PLA2G5: variants seen among roughly 807,000 people sequenced by gnomAD.
The protein encoded by PLA2G5 is phospholipase A2 group V.
PLA2G5 carries 12 observed loss-of-function variants against 15.9 expected under a neutral mutation model. The ratio of observed to expected loss-of-function variants is 0.76; its 90% CI spans 0.48 to 1.23. PLA2G5 has a LOEUF of 1.23. PLA2G5 is among the 50% of genes most tolerant of loss of function. PLA2G5 has a pLI of 0.00. For synonymous variants in PLA2G5, 71 were observed against 71.4 expected (o/e 0.99, Z 0.03); for missense variants, 169 against 177.1 (o/e 0.95, Z 0.26).
chr1:20,070,182 CT>C, upstream of PLA2G5: 1 of 985,286 alleles, frequency 1.0e-6, no homozygotes, highest in Non-Finnish European at 1.2e-6. Flanking sequence ...GACTTCCTGC[CT>C]CTGCAAAGGC....
chr1:20,030,760 A>G (rs2012876082), intron 1 of PLA2G5, among the ~76,000 whole-genome samples: 5 of 152,062 alleles, frequency 3.3e-5, no homozygotes, highest in Admixed American at 3.3e-4. Context: ...GAAACTAGAG[A>G]ATGGTGATGA....
At chr1:20,068,678 C>T (rs180973488), upstream of PLA2G5, among the ~76,000 whole-genome samples, 1 of 151,980 alleles carries the variant, frequency 6.6e-6, no homozygotes, top group African/African-American at 2.4e-5. Flanking sequence ...CTGGAACTCC[C>T]GACCTCAGCT....
chr1:20,081,282 C>G (rs1466809727), intron 1 of PLA2G5, among the ~76,000 whole-genome samples: 1 of 151,924 alleles, frequency 6.6e-6, no homozygotes, highest in Non-Finnish European at 1.5e-5. Context: ...TGGCTCTCCA[C>G]TCTTCGGGGC....
chr1:20,086,726 G>A (rs2016314458), intron 3 of PLA2G5, among the ~76,000 whole-genome samples: 1 of 152,192 alleles, frequency 6.6e-6, no homozygotes, highest in South Asian at 2.1e-4. Context: ...CAAGACCAAA[G>A]GATATGGTGT....
chr1:20,064,702 T>G (rs1464162690), intron 2 of PLA2G5, among the ~76,000 whole-genome samples: 1 of 152,126 alleles, frequency 6.6e-6, no homozygotes, highest in African/African-American at 2.4e-5. Context: ...GAGGCCAGCC[T>G]GGCCAACATA....
At chr1:20,084,378 G>A (rs947489766) in intron 1 of PLA2G5, among the ~76,000 whole-genome samples, 2 of 152,188 alleles carry the variant, frequency 1.3e-5, no homozygotes, top group African/African-American at 4.8e-5. Flanking sequence ...CTGCCCTCCT[G>A]CTGTGGGCGT....
At chr1:20,061,569 G>C (rs1310138261) in intron 2 of PLA2G5, among the ~76,000 whole-genome samples, 1 of 123,344 alleles carries the variant, frequency 8.1e-6, no homozygotes, top group Non-Finnish European at 1.6e-5. Context: ...CTGGGCAACA[G>C]AGTAAGACCC....
At chr1:20,068,537 C>G (rs1188286560), upstream of PLA2G5, among the ~76,000 whole-genome samples, 1 of 151,266 alleles carries the variant, frequency 6.6e-6, no homozygotes, top group Admixed American at 6.6e-5. Flanking sequence ...CTGTAACCTC[C>G]GCCTCCTGGG....
intron 1 of PLA2G5, among the ~76,000 whole-genome samples, chr1:20,082,128 C>T (rs1204021857): frequency 6.6e-6 from 1 of 151,904 alleles, no homozygotes; most frequent in Non-Finnish European, 1.5e-5. Flanking sequence ...TATTAAAAAG[C>T]TTTAGAGCAG....
chr1:20,060,808 C>T (rs1269753269), intron 2 of PLA2G5, among the ~76,000 whole-genome samples: 1 of 151,406 alleles, frequency 6.6e-6, no homozygotes, highest in African/African-American at 2.4e-5. Flanking sequence ...ACCTCTGCCT[C>T]CCAGTTTCAA....
intron 1 of PLA2G5, among the ~76,000 whole-genome samples, chr1:20,078,672 G>A (rs521179): frequency 0.14 from 21,923 of 152,072 alleles, 2,271 homozygotes; most frequent in African/African-American, 0.29. Flanking sequence ...GAATTCACAG[G>A]GTTCTTCCGG....
At chr1:20,057,955 A>C (rs2014518877) in intron 1 of PLA2G5, among the ~76,000 whole-genome samples, 1 of 151,844 alleles carries the variant, frequency 6.6e-6, no homozygotes, top group African/African-American at 2.4e-5. Context: ...TATGTTACTG[A>C]TTTCTAGTTT....
At chr1:20,032,771 T>A (rs1390571666) in intron 1 of PLA2G5, among the ~76,000 whole-genome samples, 1 of 152,210 alleles carries the variant, frequency 6.6e-6, no homozygotes, top group African/African-American at 2.4e-5. Flanking sequence ...GTGAGGTTTG[T>A]TCTTCCTGGG....
intron 1 of PLA2G5, among the ~76,000 whole-genome samples, chr1:20,048,256 C>A (rs886492503): frequency 1.3e-5 from 2 of 152,000 alleles, no homozygotes; most frequent in Admixed American, 6.6e-5. Flanking sequence ...AATAAGATAG[C>A]CTTAAAATTG....
chr1:20,032,559 CA>C, intron 1 of PLA2G5, among the ~76,000 whole-genome samples: 1 of 152,120 alleles, frequency 6.6e-6, no homozygotes, highest in South Asian at 2.1e-4. Flanking sequence ...AGTTTGAGTG[CA>C]AAGGGAACAT....
At chr1:20,086,834 C>A (rs1334191785) in intron 3 of PLA2G5, among the ~76,000 whole-genome samples, 2 of 152,196 alleles carry the variant, frequency 1.3e-5, no homozygotes, top group African/African-American at 2.4e-5. Context: ...CTAGATTCCA[C>A]CTCTTGATCG....
intron 1 of PLA2G5, among the ~76,000 whole-genome samples, chr1:20,078,235 C>G (rs746909511): frequency 2.0e-5 from 3 of 152,060 alleles, no homozygotes; most frequent in Admixed American, 6.5e-5. Flanking sequence ...AGGGCAAGCT[C>G]AAGGATGCAG....
At chr1:20,043,961 C>T (rs1464023615) in intron 1 of PLA2G5, among the ~76,000 whole-genome samples, 1 of 152,314 alleles carries the variant, frequency 6.6e-6, no homozygotes, top group East Asian at 1.9e-4. Flanking sequence ...AGCCACTAAG[C>T]TGAGCAGATC....
intron 1 of PLA2G5, among the ~76,000 whole-genome samples, chr1:20,048,388 G>T (rs2014022449): frequency 6.6e-6 from 1 of 152,070 alleles, no homozygotes; most frequent in African/African-American, 2.4e-5. Context: ...ATCAAAATTT[G>T]GAATAGGGGT....
Sources: gnomAD v4.1 joint callset for allele counts (sites outside exome capture counted in the v4.1 genomes callset) on GRCh38, gnomAD v4.1.1 for gene constraint, MANE v1.5 for transcripts, NCBI Gene and HGNC (gene_info 2026-07-23, HGNC 2026-07-21) for gene names.